PCSK6: variants seen among roughly 807,000 people sequenced by gnomAD.
The protein encoded by PCSK6 is proprotein convertase subtilisin/kexin type 6.
PCSK6 carries 85 observed loss-of-function variants against 123.3 expected under a neutral mutation model. The observed-to-expected ratio is 0.69, with a 90% CI of 0.58 to 0.83. The LOEUF is 0.83. PCSK6 is among the 40% of genes least tolerant of loss of function. The pLI is 0.00. For synonymous variants in PCSK6, 508 were observed against 516.0 expected (o/e 0.98, Z 0.21); for missense variants, 1,191 against 1,282.3 (o/e 0.93, Z 1.09).
chr15:101,487,471 T>A (rs961973726), intron 1 of PCSK6, among the ~76,000 whole-genome samples: 21 of 152,208 alleles, frequency 1.4e-4, no homozygotes, highest in Non-Finnish European at 1.0e-4. Flanking sequence ...TGACAGAGGT[T>A]GTCTCAAAGG....
intron 13 of PCSK6, among the ~76,000 whole-genome samples, chr15:101,359,064 G>A (rs956192869): frequency 3.9e-5 from 6 of 152,192 alleles, no homozygotes; most frequent in Non-Finnish European, 7.3e-5. Flanking sequence ...ACACAGCAGG[G>A]AGGGCTTGCC....
intron 2 of PCSK6, among the ~76,000 whole-genome samples, chr15:101,438,381 T>C (rs1485452039): frequency 6.6e-6 from 1 of 152,272 alleles, no homozygotes; most frequent in African/African-American, 2.4e-5. Flanking sequence ...AAGTTGCTTA[T>C]GTTACACACA....
intron 6 of PCSK6, among the ~76,000 whole-genome samples, chr15:101,408,589 T>TG (rs901272836): frequency 8.5e-5 from 13 of 152,294 alleles, no homozygotes; most frequent in Admixed American, 8.5e-4. Context: ...TTGGATGTGT[T>TG]GGGGGAGGTG....
chr15:101,431,636 G>T, intron 3 of PCSK6, 173 bp from the exon 4 acceptor site: 1 of 791,856 alleles, frequency 1.3e-6, no homozygotes, highest in South Asian at 1.5e-5. Context: ...CGAGAATCAT[G>T]CAGACGGCTC....
At chr15:101,306,403 C>T (rs2039724054) in intron 21 of PCSK6, among the ~76,000 whole-genome samples, 1 of 152,134 alleles carries the variant, frequency 6.6e-6, no homozygotes, top group Admixed American at 6.5e-5. Flanking sequence ...CAGGGCCCTC[C>T]ACAAGCTCCA....
chr15:101,374,631 A>C (rs978411739), intron 11 of PCSK6, among the ~76,000 whole-genome samples: 5 of 152,312 alleles, frequency 3.3e-5, no homozygotes, highest in African/African-American at 1.2e-4. Flanking sequence ...TGGCTTGGGG[A>C]GGAGAGGCTA....
In PCSK6 at chr15:101,412,722, C is replaced by T. The variant is rs554561008; in HGVS notation, c.824-14146G>A. On this transcript the variant is annotated intron_variant, in intron 6 of 21. Transcript: ENST00000611716. ...ATATATATATATATATAAAATTACC[C>T]AATCTGAACAACATAAAGAAAAAAA... 2.4e-3 allele frequency among the ~76,000 whole-genome samples: 285 copies of T among 117,568 alleles called. 3 individuals carry two copies. The highest frequency in any genetic ancestry group is 4.3e-3 in the Non-Finnish European group (230 of 53,116). 77.1% of individuals were successfully genotyped at this position (117,568 alleles called of 152,430 possible).
At chr15:101,320,918 C>T (rs567082702) in intron 18 of PCSK6, among the ~76,000 whole-genome samples, 57 of 152,300 alleles carry the variant, frequency 3.7e-4, no homozygotes, top group Non-Finnish European at 6.9e-4. Context: ...GGGCTACCGA[C>T]AGGAGGCGTT....
intron 6 of PCSK6, among the ~76,000 whole-genome samples, chr15:101,424,638 T>C (rs62027164): frequency 0.27 from 41,801 of 152,184 alleles, 6,121 homozygotes; most frequent in African/African-American, 0.34. Context: ...GGTAAATGTA[T>C]TTCTTGTCAT....
intron 11 of PCSK6, among the ~76,000 whole-genome samples, chr15:101,380,515 T>G (rs561884244): frequency 6.6e-6 from 1 of 152,324 alleles, no homozygotes; most frequent in South Asian, 2.1e-4. Flanking sequence ...TTTGACAGTC[T>G]AAGGCTCCTC....
At chr15:101,438,283 C>T (rs2056659736) in intron 2 of PCSK6, among the ~76,000 whole-genome samples, 2 of 152,194 alleles carry the variant, frequency 1.3e-5, no homozygotes. Flanking sequence ...CAGGATACAG[C>T]TTTGTCAACT....
chr15:101,456,969 C>T (rs763163108), intron 1 of PCSK6, among the ~76,000 whole-genome samples: 1 of 151,956 alleles, frequency 6.6e-6, no homozygotes, highest in Non-Finnish European at 1.5e-5. Context: ...GTCGGGATTT[C>T]GAGACTAGCC....
chr15:101,457,610 T>C (rs545839494), intron 1 of PCSK6, among the ~76,000 whole-genome samples: 1 of 152,310 alleles, frequency 6.6e-6, no homozygotes, highest in South Asian at 2.1e-4. Flanking sequence ...TTCTTAAAAA[T>C]ATATAGAGTG....
rs183816747 is a variant in PCSK6, at chr15:101,322,683, G to A, written c.2378-76C>T. The A allele has an allele frequency of 2.1e-3, 1,953 of 936,352 alleles. 22 individuals are homozygous for A. The highest frequency in any genetic ancestry group is 0.011 in the South Asian group (777 of 72,560). The allele number at this position is 936,352 out of a possible 1,614,324, so 58.0% of individuals were successfully genotyped here. On this transcript the variant is annotated intron_variant, in intron 17 of 21. Coordinates refer to ENST00000611716, the MANE Select transcript of PCSK6 (RefSeq NM_002570.5). ...ATGAAATCTGGGCAAGCAGGCCCCC[G>A]GCATTTCAAAGCGGGGGTGCGGGTG...
At chr15:101,316,910 G>GTTTTTTTTTTGT (rs2040002429) in intron 19 of PCSK6, among the ~76,000 whole-genome samples, 1 of 114,972 alleles carries the variant, frequency 8.7e-6, no homozygotes, top group African/African-American at 3.9e-5. Flanking sequence ...ACTTAATTCT[G>GTTTTTTTTTTGT]TTTTTTTTTT....
intron 8 of PCSK6, among the ~76,000 whole-genome samples, chr15:101,391,097 C>T (rs534245543): frequency 2.1e-4 from 32 of 152,254 alleles, no homozygotes; most frequent in Admixed American, 1.8e-3. Flanking sequence ...ACGGGAAGGC[C>T]AACAGAGACC....
rs78772742 is a variant in PCSK6 at position 101,456,023 on chromosome 15, G to A, written c.298-12363C>T. On this transcript the variant is annotated intron_variant, in intron 1 of 21. Transcript: ENST00000611716. ...TGCTGGCCACAGTTTCTACTCTATC[G>A]GGGAGGCACTACATTGCCTTTTCTC... Among the ~76,000 whole-genome samples, 371 of 152,294 alleles carry A rather than the reference G, an allele frequency of 2.4e-3. 2 individuals are homozygous for A. Among genetic ancestry groups the A allele is most frequent in the African/African-American group, 8.7e-3 (360 of 41,540 alleles).
At chr15:101,322,106 C>T (rs2040138485) in intron 18 of PCSK6, among the ~76,000 whole-genome samples, 2 of 151,996 alleles carry the variant, frequency 1.3e-5, no homozygotes, top group Admixed American at 1.3e-4. Context: ...CTCAGGAAGC[C>T]GTGAAGATGT....
At chr15:101,352,527 T>G (rs1290696210) in intron 13 of PCSK6, among the ~76,000 whole-genome samples, 2 of 152,224 alleles carry the variant, frequency 1.3e-5, no homozygotes, top group Non-Finnish European at 2.9e-5. Context: ...GTTGGCCAAT[T>G]ATCAATAACT....
Sources: gnomAD v4.1 joint callset for allele counts (sites outside exome capture counted in the v4.1 genomes callset) on GRCh38, gnomAD v4.1.1 for gene constraint, MANE v1.5 for transcripts, NCBI Gene and HGNC (gene_info 2026-07-23, HGNC 2026-07-21) for gene names.